Variants in TENM1 observed in about 807,000 individuals in gnomAD.
TENM1 encodes the protein teneurin-1.
A neutral mutation model predicts 174.8 loss-of-function variants in TENM1; 35 were observed. The observed-to-expected ratio is 0.20, with a 90% confidence interval of 0.15 to 0.27. The LOEUF is 0.27. TENM1 is among the 10% of genes least tolerant of loss of function. TENM1 has a pLI of 1.00. For missense variants in TENM1, 1,633 were observed against 2,130.1 expected (o/e 0.77, Z 4.59); for synonymous variants, 781 against 798.7 (o/e 0.98, Z 0.37).
intron 5 of TENM1, among the ~76,000 whole-genome samples, chrX:124,687,802 GAC>G (rs2052405386): frequency 8.9e-6 from 1 of 112,242 alleles, no homozygotes; most frequent in Non-Finnish European, 1.9e-5. Context: ...GACAAAGCAA[GAC>G]ACAGAAAGAC....
At chrX:124,907,528 T>C (rs764181270) in intron 1 of TENM1, among the ~76,000 whole-genome samples, 1 of 111,972 alleles carries the variant, frequency 8.9e-6, no homozygotes, top group Admixed American at 9.5e-5. Flanking sequence ...TTTTGTCCCA[T>C]AGCTACAAAT....
intron 18 of TENM1, among the ~76,000 whole-genome samples, chrX:124,510,057 A>G (rs1370368972): frequency 3.6e-5 from 4 of 112,364 alleles, no homozygotes; most frequent in African/African-American, 1.3e-4. Context: ...GATCTCCCTA[A>G]TAATTACCAC....
intron 11 of TENM1, among the ~76,000 whole-genome samples, chrX:124,635,423 T>C (rs368042040): frequency 8.9e-6 from 1 of 112,358 alleles, no homozygotes; most frequent in Non-Finnish European, 1.9e-5. Context: ...ATACCTTATA[T>C]GATTTCTGCT....
At chrX:125,193,951 AT>A in the TENM1 span, among the ~76,000 whole-genome samples, 4 of 107,280 alleles carry the variant, frequency 3.7e-5, no homozygotes, top group African/African-American at 1.0e-4. Flanking sequence ...CGCCCAGTTA[AT>A]TTTTTTTTTA....
chrX:125,060,179 TCTCA>T, the TENM1 span, among the ~76,000 whole-genome samples: 19 of 82,413 alleles, frequency 2.3e-4, no homozygotes, highest in African/African-American at 6.6e-4. Context: ...TCTCTCTCTC[TCTCA>T]CACACACACA....
chrX:124,454,560 C>A (rs943614230), intron 22 of TENM1, among the ~76,000 whole-genome samples: 2 of 110,766 alleles, frequency 1.8e-5, no homozygotes, highest in African/African-American at 6.6e-5. Context: ...CCTGCCAGCA[C>A]GCCTGGCTAG....
chrX:124,770,077 G>A (rs953652421), intron 3 of TENM1, among the ~76,000 whole-genome samples: 1 of 111,754 alleles, frequency 8.9e-6, no homozygotes, highest in Non-Finnish European at 1.9e-5. Flanking sequence ...AAAAAATCCA[G>A]GTCCAACATT....
At chrX:124,406,802 T>C (rs552589030) in intron 25 of TENM1, among the ~76,000 whole-genome samples, 1 of 111,312 alleles carries the variant, frequency 9.0e-6, no homozygotes, top group South Asian at 3.8e-4. Flanking sequence ...CAGGGAGGCC[T>C]CCGTTTGCGA....
chrX:124,573,198 T>C (rs1319231973), intron 11 of TENM1, among the ~76,000 whole-genome samples: 3 of 111,824 alleles, frequency 2.7e-5, no homozygotes, highest in Non-Finnish European at 5.7e-5. Flanking sequence ...CATGCCTGAA[T>C]ATGGATAAAC....
chrX:125,030,681 G>GA, the TENM1 span, among the ~76,000 whole-genome samples: 2 of 111,497 alleles, frequency 1.8e-5, no homozygotes, highest in Non-Finnish European at 3.8e-5. Context: ...TTAGTAGTGT[G>GA]AAAAAAATGT....
In TENM1 at chrX:124,520,858, C is replaced by T. The variant is rs767757006; in HGVS notation, c.3034-74G>A. The T allele has an allele frequency of 3.9e-5, 37 of 956,163 alleles. No individual in the cohort carries two copies. The African/African-American group carries it at 6.6e-4, about 17-fold the overall frequency. The allele number at this position is 956,163 out of a possible 1,213,427, so 78.8% of individuals were successfully genotyped here. ...CGCAGGTAGATGAGGATATTGCATG[C>T]TTTGTTGTCTTTGAAACATGCCAAA... is the stretch of plus-strand genomic sequence containing the variant. On this transcript the variant is annotated intron_variant, in intron 17 of 31. Coordinates refer to ENST00000422452, the Ensembl canonical transcript of TENM1.
In TENM1 at chrX:124,380,473, A is replaced by G. The variant is rs961522076; in HGVS notation, c.*63T>C. On this transcript the variant is annotated 3_prime_UTR_variant, in exon 32 of 32. Transcript: ENST00000422452. ...AGTTCTGATCTAGAAAACCAATACA[A>G]TAAACCATTTTATGTTTTAAAAACA... 2.8e-6 allele frequency: 3 copies of G among 1,089,769 alleles called. No homozygotes were observed. The African/African-American group carries it at 5.6e-5, about 20-fold the overall frequency. 89.8% of individuals were successfully genotyped at this position (1,089,769 alleles called of 1,213,427 possible).
At chrX:124,555,641 C>T (rs1396408513) in intron 14 of TENM1, among the ~76,000 whole-genome samples, 3 of 111,504 alleles carry the variant, frequency 2.7e-5, no homozygotes, top group Non-Finnish European at 3.8e-5. Flanking sequence ...ATCAAATTTA[C>T]GATGAAACTT....
intron 1 of TENM1, among the ~76,000 whole-genome samples, chrX:124,899,022 T>C (rs998188152): frequency 1.8e-5 from 2 of 111,859 alleles, no homozygotes; most frequent in African/African-American, 6.5e-5. Flanking sequence ...CACTTACTTA[T>C]AGTAACCGAT....
chrX:124,948,600 T>C (rs1049820144), intron 1 of TENM1, among the ~76,000 whole-genome samples: 12 of 112,862 alleles, frequency 1.1e-4, no homozygotes, highest in African/African-American at 3.9e-4. Flanking sequence ...TTGCCCAGGC[T>C]GAAGTGCAGT....
chrX:124,799,481 T>C (rs1603211093), intron 3 of TENM1, among the ~76,000 whole-genome samples: 1 of 111,442 alleles, frequency 9.0e-6, no homozygotes, highest in African/African-American at 3.3e-5. Context: ...TATTCATGAT[T>C]TGACTCTCTG....
chrX:124,572,578 TAGTC>T (rs1213418697), intron 11 of TENM1, among the ~76,000 whole-genome samples: 8 of 111,098 alleles, frequency 7.2e-5, no homozygotes, highest in African/African-American at 2.0e-4. Context: ...TTGGAAATCT[TAGTC>T]AGCACAAAAA....
chrX:124,870,720 AAGG>A (rs1211191432), intron 3 of TENM1, among the ~76,000 whole-genome samples: 1 of 110,650 alleles, frequency 9.0e-6, no homozygotes, highest in East Asian at 2.8e-4. Flanking sequence ...AAAAATGTAG[AAGG>A]AGGTGAGGTA....
intron 15 of TENM1, among the ~76,000 whole-genome samples, chrX:124,538,758 C>T (rs1602622106): frequency 8.9e-6 from 1 of 111,801 alleles, no homozygotes; most frequent in Non-Finnish European, 1.9e-5. Context: ...TGGGGTTACT[C>T]GTAGATAGAC....
Sources: gnomAD v4.1 joint callset for allele counts (sites outside exome capture counted in the v4.1 genomes callset) on GRCh38, gnomAD v4.1.1 for gene constraint, MANE v1.5 for transcripts, NCBI Gene and HGNC (gene_info 2026-07-23, HGNC 2026-07-21) for gene names.